BPIFB3: variants seen among roughly 807,000 people sequenced by gnomAD.
BPIFB3 encodes BPI fold-containing family B member 3.
In BPIFB3, 49 loss-of-function variants were observed where a neutral mutation model predicts 53.1. The observed-to-expected ratio is 0.92, with a 90% CI of 0.73 to 1.17. BPIFB3 has a LOEUF of 1.17. BPIFB3 is among the 50% of genes most tolerant of loss of function. The probability of loss-of-function intolerance (pLI) is 0.00; values close to 1 mark genes in which losing one functional copy is unlikely to be tolerated. For synonymous variants in BPIFB3, 271 were observed against 269.6 expected (o/e 1.01, Z -0.05); for missense variants, 628 against 592.5 (o/e 1.06, Z -0.62).
exon 6 of BPIFB3, chr20:33,063,626 G>A (rs745782415): frequency 3.6e-5 from 58 of 1,613,978 alleles, no homozygotes; most frequent in Non-Finnish European, 4.6e-5. Flanking sequence ...TGTGCCCCGT[G>A]GTGGACAGTG....
exon 1 of BPIFB3, chr20:33,055,452 C>G (rs1235692811): frequency 1.9e-6 from 3 of 1,613,672 alleles, no homozygotes; most frequent in Non-Finnish European, 2.5e-6. Flanking sequence ...GCCCTGTGGT[C>G]CCTGCTTCTG....
chr20:33,067,604 G>A (rs1364712907), intron 9 of BPIFB3, among the ~76,000 whole-genome samples: 1 of 152,234 alleles, frequency 6.6e-6, no homozygotes, highest in Non-Finnish European at 1.5e-5. Context: ...CTTGGCTAAA[G>A]GGCATAGGAG....
At chr20:33,059,898 G>C (rs1980373259) in exon 4 of BPIFB3, 4 of 1,613,674 alleles carry the variant, frequency 2.5e-6, no homozygotes, top group Middle Eastern at 1.6e-4. Context: ...CAGCCCCCTT[G>C]GTGGCCTTCT....
intron 5 of BPIFB3, among the ~76,000 whole-genome samples, chr20:33,063,005 T>G (rs1289834291): frequency 6.6e-6 from 1 of 152,248 alleles, no homozygotes; most frequent in East Asian, 1.9e-4. Flanking sequence ...GGGGCTGGAC[T>G]GCATCCTCTC....
downstream of BPIFB3, chr20:33,073,639 C>T: frequency 5.0e-6 from 8 of 1,612,552 alleles, no homozygotes; most frequent in Non-Finnish European, 6.8e-6. Context: ...TCCCTGTTGA[C>T]TACTAGAGAC....
At chr20:33,060,513 A>C (rs186145193) in intron 4 of BPIFB3, among the ~76,000 whole-genome samples, 2 of 152,296 alleles carry the variant, frequency 1.3e-5, no homozygotes. Flanking sequence ...GTCTCTTCCC[A>C]GGATCTGTCC....
At chr20:33,061,637 A>G (rs1980461047) in intron 4 of BPIFB3, 131 bp from the exon 6 acceptor site, 1 of 850,818 alleles carries the variant, frequency 1.2e-6, no homozygotes, top group South Asian at 1.8e-5. Flanking sequence ...AGGTCTCCAA[A>G]GCCGCAGTCA....
intron 1 of BPIFB3, 94 bp downstream of exon 2, chr20:33,055,641 G>A: frequency 6.4e-7 from 1 of 1,560,622 alleles, no homozygotes; most frequent in South Asian, 1.1e-5. Flanking sequence ...GCAGATAAGA[G>A]CAGGTTGTGA....
intron 2 of BPIFB3, among the ~76,000 whole-genome samples, chr20:33,058,571 T>C (rs1202798090): frequency 6.6e-6 from 1 of 151,922 alleles, no homozygotes; most frequent in African/African-American, 2.4e-5. Context: ...TGGATAGATA[T>C]TATTATTATT....
chr20:33,061,700 C>A (rs995738539), intron 4 of BPIFB3, 68 bp from the exon 6 acceptor site: 2 of 1,504,562 alleles, frequency 1.3e-6, no homozygotes, highest in Admixed American at 3.4e-5. Context: ...TAGTGTCCGC[C>A]CGACCCTGTC....
chr20:33,064,681 G>A, exon 8 of BPIFB3: 2 of 1,613,980 alleles, frequency 1.2e-6, no homozygotes, highest in Non-Finnish European at 1.7e-6. Flanking sequence ...CGTGAAGAGT[G>A]TAGCTGGTGA....
intron 4 of BPIFB3, among the ~76,000 whole-genome samples, chr20:33,061,237 T>A (rs555053423): frequency 6.6e-6 from 1 of 152,226 alleles, no homozygotes; most frequent in East Asian, 1.9e-4. Context: ...GTTCCCAGGA[T>A]GGTGTTGGTG....
At chr20:33,073,482 AG>A in intron 14 of BPIFB3, 93 bp from the exon 16 acceptor site, 1 of 1,360,832 alleles carries the variant, frequency 7.3e-7, no homozygotes, top group Non-Finnish European at 1.0e-6. Context: ...TTCCAGGTAC[AG>A]GGCCAATCCC....
rs747040764 is a variant in BPIFB3, at chr20:33,061,729, A to G, written c.528-39A>G. ...CCCTGTCATCTGGGTTGAACCGTCC[A>G]CCTGGCAGCCGCACCCACATGTGTC... On this transcript the variant is annotated intron_variant, in intron 4 of 14. Transcript: ENST00000375494. The G allele has an allele frequency of 5.6e-6, 9 of 1,604,304 alleles. No individual in the cohort carries two copies. The East Asian group carries it at 1.8e-4, about 32-fold the overall frequency.
intron 9 of BPIFB3, 103 bp from the exon 11 acceptor site, chr20:33,068,700 C>T (rs773947509): frequency 4.1e-6 from 5 of 1,217,664 alleles, no homozygotes; most frequent in Admixed American, 2.2e-5. Flanking sequence ...CCTCGTTGCC[C>T]AGCACGTTGC....
chr20:33,059,562 C>T, intron 3 of BPIFB3, 80 bp downstream of exon 4: 1 of 1,017,972 alleles, frequency 9.8e-7, no homozygotes, highest in South Asian at 1.4e-5. Flanking sequence ...CTCTGCTGTC[C>T]CCCCACTCCC....
chr20:33,058,557 G>C (rs1479223265), intron 2 of BPIFB3, among the ~76,000 whole-genome samples: 1 of 152,112 alleles, frequency 6.6e-6, no homozygotes, highest in East Asian at 1.9e-4. Context: ...CAGAGAGTAA[G>C]TGTTGGATAG....
intron 8 of BPIFB3, among the ~76,000 whole-genome samples, chr20:33,065,667 G>C (rs1980642526): frequency 6.6e-6 from 1 of 152,212 alleles, no homozygotes; most frequent in African/African-American, 2.4e-5. Context: ...CCAAACATTT[G>C]TTCTGCAGCT....
chr20:33,055,872 C>T (rs1980180838), intron 1 of BPIFB3, among the ~76,000 whole-genome samples: 1 of 152,124 alleles, frequency 6.6e-6, no homozygotes, highest in Non-Finnish European at 1.5e-5. Flanking sequence ...CTCTGCCTCA[C>T]ATCACTAGGG....
Sources: gnomAD v4.1 joint callset for allele counts (sites outside exome capture counted in the v4.1 genomes callset) on GRCh38, gnomAD v4.1.1 for gene constraint, MANE v1.5 for transcripts, NCBI Gene and HGNC (gene_info 2026-07-23, HGNC 2026-07-21) for gene names.